The following CACNA1E variants were observed in gnomAD, a reference collection of about 807,000 sequenced individuals.
CACNA1E encodes the protein calcium voltage-gated channel subunit alpha1 E, also known as voltage-dependent R-type calcium channel subunit alpha-1E.
CACNA1E carries 40 observed loss-of-function variants against 259.2 expected under a neutral mutation model. The observed-to-expected ratio is 0.15, with a 90% CI of 0.12 to 0.20. CACNA1E has a LOEUF of 0.20. Among genes scored for constraint, CACNA1E ranks in the 10% least tolerant of loss-of-function variants. The pLI, the probability that CACNA1E is intolerant of heterozygous loss-of-function variation, is 1.00. For missense variants in CACNA1E, 1,874 were observed against 3,040.1 expected (o/e 0.62, Z 9.02); for synonymous variants, 1,104 against 1,138.5 (o/e 0.97, Z 0.61).
intron 2 of CACNA1E, among the ~76,000 whole-genome samples, chr1:181,442,547 T>G (rs1247806513): frequency 1.3e-5 from 2 of 152,138 alleles, no homozygotes; most frequent in African/African-American, 4.8e-5. Flanking sequence ...TTCCAGCTGT[T>G]ACAAAGTGCC....
chr1:181,471,525 G>A (rs965717936), intron 2 of CACNA1E, among the ~76,000 whole-genome samples: 2 of 151,952 alleles, frequency 1.3e-5, no homozygotes, highest in African/African-American at 4.8e-5. Flanking sequence ...GCTTTGAAGA[G>A]TTTCTTTGAT....
intron 1 of CACNA1E, among the ~76,000 whole-genome samples, chr1:181,334,971 C>T (rs1375151519): frequency 1.3e-5 from 2 of 152,202 alleles, no homozygotes; most frequent in Admixed American, 6.5e-5. Context: ...CTCTCTATTC[C>T]AGTTGCACAG....
chr1:181,331,682 G>A (rs570919154), intron 1 of CACNA1E, among the ~76,000 whole-genome samples: 119 of 152,304 alleles, frequency 7.8e-4, no homozygotes, highest in African/African-American at 2.8e-3. Flanking sequence ...ATCCAGTCAA[G>A]TTGACACCTA....
intron 1 of CACNA1E, among the ~76,000 whole-genome samples, chr1:181,346,015 C>T (rs186444166): frequency 2.6e-5 from 4 of 152,282 alleles, no homozygotes; most frequent in East Asian, 1.9e-4. Flanking sequence ...GATGGCCAAC[C>T]GGACGTGCAA....
At chr1:181,373,800 C>T (rs967682370) in intron 1 of CACNA1E, among the ~76,000 whole-genome samples, 9 of 152,114 alleles carry the variant, frequency 5.9e-5, no homozygotes, top group African/African-American at 9.7e-5. Context: ...GCTGGGATTA[C>T]AGGCATGGAC....
intron 6 of CACNA1E, among the ~76,000 whole-genome samples, chr1:181,646,162 C>T (rs1055215601): frequency 6.6e-6 from 1 of 152,260 alleles, no homozygotes; most frequent in African/African-American, 2.4e-5. Flanking sequence ...CCAACCCTCT[C>T]CTGGCCTGAG....
chr1:181,660,882 A>C (rs996119476), intron 7 of CACNA1E, among the ~76,000 whole-genome samples: 13 of 152,236 alleles, frequency 8.5e-5, no homozygotes, highest in Non-Finnish European at 1.8e-4. Context: ...TGACTCACGC[A>C]AGAGTTACTA....
At chr1:181,777,450 A>T (rs1308808460) in intron 38 of CACNA1E, among the ~76,000 whole-genome samples, 2 of 152,232 alleles carry the variant, frequency 1.3e-5, no homozygotes, top group Non-Finnish European at 2.9e-5. Flanking sequence ...GTGAATCAGA[A>T]TTCTTTCCTT....
chr1:181,667,319 G>C (rs1272773912), intron 7 of CACNA1E, among the ~76,000 whole-genome samples: 1 of 152,154 alleles, frequency 6.6e-6, no homozygotes, highest in Non-Finnish European at 1.5e-5. Context: ...ATGACTGGCT[G>C]TAAGCAGTAG....
chr1:181,471,018 C>T (rs140740149), intron 2 of CACNA1E, among the ~76,000 whole-genome samples: 2 of 152,300 alleles, frequency 1.3e-5, no homozygotes, highest in African/African-American at 4.8e-5. Flanking sequence ...AAAGTGCTGG[C>T]AGGTTAAATG....
chr1:181,554,175 T>A (rs1355574453), intron 3 of CACNA1E, among the ~76,000 whole-genome samples: 2 of 152,184 alleles, frequency 1.3e-5, no homozygotes, highest in South Asian at 4.1e-4. Context: ...CCCAGCTAAT[T>A]TTTTTAGTTT....
At chr1:181,691,164 A>C (rs544095703) in intron 7 of CACNA1E, among the ~76,000 whole-genome samples, 1 of 151,860 alleles carries the variant, frequency 6.6e-6, no homozygotes, top group South Asian at 2.1e-4. Context: ...CAGTTTTCTC[A>C]TCTCTTTATT....
At position 181,570,216 on chromosome 1, in the gene CACNA1E, T is replaced by A. The variant is rs149529062; in HGVS notation, c.513-7550T>A. ...ATTCAGCTTCCCCAGTGGCACCAGT[T>A]TTCCCTTTTGGGAAGATCTTATTGT... is the stretch of plus-strand genomic sequence containing the variant. On this transcript the variant is annotated intron_variant, in intron 3 of 47. Coordinates refer to ENST00000367573, the MANE Select transcript of CACNA1E (RefSeq NM_001205293.3). Among the ~76,000 whole-genome samples, 63 of 152,312 alleles carry A rather than the reference T, an allele frequency of 4.1e-4. 1 individual carries two copies. The East Asian group carries it at 0.012, about 28-fold the overall frequency.
chr1:181,469,539 C>A (rs1322425914), intron 2 of CACNA1E, among the ~76,000 whole-genome samples: 1 of 151,962 alleles, frequency 6.6e-6, no homozygotes, highest in Admixed American at 6.5e-5. Flanking sequence ...TAGTACCAGA[C>A]AACAACAAAA....
At chr1:181,648,614 C>A (rs184656292) in intron 6 of CACNA1E, among the ~76,000 whole-genome samples, 113 of 152,250 alleles carry the variant, frequency 7.4e-4, no homozygotes, top group Admixed American at 1.6e-3. Context: ...TTACAGAAGC[C>A]CCTTTTCCAC....
intron 23 of CACNA1E, 31 bp from the exon 24 acceptor site, chr1:181,738,336 G>A (rs751482198): frequency 8.8e-6 from 14 of 1,598,636 alleles, no homozygotes; most frequent in East Asian, 4.5e-5. Flanking sequence ...GCCACACATG[G>A]TCATTTCCTT....
chr1:181,797,473 G>T lies in CACNA1E; in HGVS notation c.6399+615G>T, dbSNP rs1661915613. Among the ~76,000 whole-genome samples the T allele has an allele frequency of 1.3e-5, 2 of 152,166 alleles. 1 individual carries two copies. The highest frequency in any genetic ancestry group is 4.1e-4 in the South Asian group (2 of 4,826). On this transcript the variant is annotated intron_variant, in intron 47 of 47. Transcript: ENST00000367573. ...GAAACGATCAGCGGAGAAAAGGCAG[G>T]GCTGCTAATGCAAACCTTTAGAGAC...
chr1:181,693,304 T>C (rs1651385382), intron 7 of CACNA1E, among the ~76,000 whole-genome samples: 1 of 152,066 alleles, frequency 6.6e-6, no homozygotes. Flanking sequence ...CATTACTGGG[T>C]ATATAATTCC....
intron 3 of CACNA1E, among the ~76,000 whole-genome samples, chr1:181,559,397 C>A (rs1190351162): frequency 6.6e-6 from 1 of 152,092 alleles, no homozygotes; most frequent in Non-Finnish European, 1.5e-5. Flanking sequence ...TCATTTGCAT[C>A]CAAGTGATAG....
Sources: allele counts gnomAD v4.1 joint callset (sites outside exome capture counted in the v4.1 genomes callset), GRCh38; gene constraint gnomAD v4.1.1; transcripts MANE v1.5; gene names NCBI Gene and HGNC (gene_info 2026-07-23, HGNC 2026-07-21).